CD160: variants seen among roughly 807,000 people sequenced by gnomAD.
CD160 encodes CD160 antigen.
Under a neutral mutation model 19.2 loss-of-function variants are expected in CD160, and 11 were observed. The ratio of observed to expected loss-of-function variants is 0.57; its 90% confidence interval spans 0.36 to 0.95. The LOEUF (loss-of-function observed/expected upper bound fraction) is 0.95, where lower values mean the gene tolerates loss of function less well. CD160 is among the 40% of genes least tolerant of loss of function. The probability of loss-of-function intolerance (pLI) is 0.01; values close to 1 mark genes in which losing one functional copy is unlikely to be tolerated. For synonymous variants in CD160, 75 were observed against 81.1 expected (o/e 0.93, Z 0.40); for missense variants, 182 against 213.2 (o/e 0.85, Z 0.91).
intron 5 of CD160, chr1:145,736,521 G>A (rs782069747): frequency 7.6e-5 from 23 of 300,996 alleles, no homozygotes; most frequent in Admixed American, 3.5e-4. Context: ...TGAACAATGC[G>A]GCTCCTCAGC....
At chr1:145,726,855 A>G (rs1657071058) in intron 2 of CD160, among the ~76,000 whole-genome samples, 1 of 152,254 alleles carries the variant, frequency 6.6e-6, no homozygotes, top group Non-Finnish European at 1.5e-5. Flanking sequence ...TACATACCTG[A>G]GACACACATA....
In CD160 at chr1:145,725,104, G is replaced by C. The variant is rs1657004103; in HGVS notation, c.-73+198G>C. On this transcript the variant is annotated intron_variant, in intron 2 of 5. Coordinates refer to ENST00000369288, the MANE Select transcript of CD160 (RefSeq NM_007053.4). ...AATTTAAATATAATATTATAAAACA[G>C]AATACAGCAGCACATGAAAAGAATA... Among the ~76,000 whole-genome samples the C allele has an allele frequency of 3.3e-5, 5 of 151,464 alleles. No individual in the cohort carries two copies. In the South Asian group the frequency reaches 1.1e-3, roughly 32 times the overall value.
chr1:145,721,829 C>G (rs962426493), intron 1 of CD160, among the ~76,000 whole-genome samples: 1 of 152,172 alleles, frequency 6.6e-6, no homozygotes, highest in Admixed American at 6.5e-5. Context: ...CATCTTGCAG[C>G]CTTTCCACAT....
At chr1:145,722,892 C>T (rs1036929829) in intron 1 of CD160, among the ~76,000 whole-genome samples, 1 of 152,152 alleles carries the variant, frequency 6.6e-6, no homozygotes, top group East Asian at 1.9e-4. Context: ...CCGCGCCCGG[C>T]GCCACTATTA....
At chr1:145,735,858 T>TA in intron 4 of CD160, 139 bp from the exon 5 acceptor site, 1 of 643,690 alleles carries the variant, frequency 1.6e-6, no homozygotes, top group East Asian at 2.6e-5. Flanking sequence ...CCCACAATGT[T>TA]AAAAATACTT....
intron 2 of CD160, 34 bp downstream of exon 2, chr1:145,724,940 T>G (rs1160486056): frequency 2.0e-5 from 3 of 151,940 alleles, no homozygotes; most frequent in African/African-American, 7.3e-5. Context: ...ATTTTTGTAT[T>G]TTTTGTAAAG....
At chr1:145,730,162 A>G (rs1657228279) in intron 3 of CD160, among the ~76,000 whole-genome samples, 1 of 152,092 alleles carries the variant, frequency 6.6e-6, no homozygotes, top group Admixed American at 6.6e-5. Flanking sequence ...GTCTCTACAA[A>G]ATAAAAAATT....
chr1:145,731,768 G>A (rs1657305377), intron 4 of CD160, among the ~76,000 whole-genome samples: 1 of 152,136 alleles, frequency 6.6e-6, no homozygotes, highest in African/African-American at 2.4e-5. Context: ...CTAAATTCAG[G>A]CAGACAACGA....
chr1:145,726,820 G>A (rs782222840), intron 2 of CD160, among the ~76,000 whole-genome samples: 4 of 152,046 alleles, frequency 2.6e-5, no homozygotes, highest in Admixed American at 1.3e-4. Context: ...AGAAATGGAC[G>A]AGGACTTTAT....
Position 145,730,913 on chromosome 1 carries a change from G to C in CD160, c.243G>C (p.Arg81Ser), listed in dbSNP as rs1657262580. 2 of 1,614,026 alleles carry C rather than the reference G, an allele frequency of 1.2e-6. No individual in the cohort carries two copies. The highest frequency in any genetic ancestry group is 1.7e-6 in the Non-Finnish European group (2 of 1,180,024). Residue 81 changes from arginine (R) to serine (S), a missense_variant, in exon 4 of 6, where the codon AGG becomes AGC. Arg to Ser is a moderately radical substitution (Grantham distance 110). Coordinates refer to ENST00000369288, the MANE Select transcript of CD160 (RefSeq NM_007053.4). ...GTTTAAAACAGCTGAGACTTAAAAG[G>C]GATCCTGGGATAGATGGTGTTGGTG... The part of the protein sequence containing the change: ...ETSLKQLRLK[R>S]DPGIDGVGEI...
chr1:145,728,665 G>A (rs1184017813), intron 3 of CD160, among the ~76,000 whole-genome samples: 1 of 151,920 alleles, frequency 6.6e-6, no homozygotes. Flanking sequence ...CGCCACCGCC[G>A]GCTAATTTTT....
At chr1:145,728,501 CTTTTTTTTTTT>C in intron 3 of CD160, 101 bp downstream of exon 3, 2 of 292,994 alleles carry the variant, frequency 6.8e-6, no homozygotes, top group South Asian at 6.8e-5. Flanking sequence ...ACAAAGGACT[CTTTTTTTTTTT>C]TTTTTTTTTT....
chr1:145,734,734 G>C (rs913510797), intron 4 of CD160, among the ~76,000 whole-genome samples: 3 of 152,148 alleles, frequency 2.0e-5, no homozygotes, highest in African/African-American at 7.2e-5. Context: ...AAGTATTAGA[G>C]TCAGCACATC....
intron 4 of CD160, among the ~76,000 whole-genome samples, chr1:145,733,075 T>C (rs1372912227): frequency 1.3e-5 from 2 of 152,178 alleles, no homozygotes; most frequent in Non-Finnish European, 2.9e-5. Context: ...TTATTCTCTA[T>C]GAACTTTTAC....
intron 5 of CD160, chr1:145,738,237 T>C: frequency 6.2e-6 from 2 of 320,676 alleles, no homozygotes; most frequent in East Asian, 4.7e-5. Context: ...TGATTGTTCC[T>C]TCCAGCAAGG....
chr1:145,724,737 T>C (rs1253311268), intron 1 of CD160, 64 bp from the exon 2 acceptor site: 1 of 152,200 alleles, frequency 6.6e-6, no homozygotes, highest in African/African-American at 2.4e-5. Context: ...ATATTTTTAA[T>C]ATCTTGTATG....
At chr1:145,721,149 T>C (rs1402278401) in intron 1 of CD160, among the ~76,000 whole-genome samples, 1 of 152,106 alleles carries the variant, frequency 6.6e-6, no homozygotes, top group Non-Finnish European at 1.5e-5. Context: ...CAGGTGCCGC[T>C]CTAGTACATG....
chr1:145,730,039 G>A (rs1657223904), intron 3 of CD160, among the ~76,000 whole-genome samples: 1 of 152,158 alleles, frequency 6.6e-6, no homozygotes, highest in Admixed American at 6.5e-5. Flanking sequence ...AACTCTGAGA[G>A]TGGCCAGGCA....
At chr1:145,725,968 A>C (rs2101376426) in intron 2 of CD160, among the ~76,000 whole-genome samples, 1 of 152,342 alleles carries the variant, frequency 6.6e-6, no homozygotes, top group African/African-American at 2.4e-5. Flanking sequence ...GTATGAAATT[A>C]ATATCTAGTA....
Sources: allele counts gnomAD v4.1 joint callset (sites outside exome capture counted in the v4.1 genomes callset), GRCh38; gene constraint gnomAD v4.1.1; transcripts MANE v1.5; gene names NCBI Gene and HGNC (gene_info 2026-07-23, HGNC 2026-07-21).